CEP85L: variants seen among roughly 807,000 people sequenced by gnomAD.
The protein encoded by CEP85L is centrosomal protein 85L, also known as centrosomal protein of 85 kDa-like.
CEP85L carries 60 observed loss-of-function variants against 100.3 expected under a neutral mutation model. That is an observed-to-expected ratio of 0.60 (90% CI 0.49 to 0.74). The LOEUF is 0.74. Ranked by LOEUF, CEP85L falls within the 30% of genes least tolerant of loss-of-function variation. The pLI is 0.00. For missense variants in CEP85L, 973 were observed against 936.2 expected (o/e 1.04, Z -0.51); for synonymous variants, 319 against 322.7 (o/e 0.99, Z 0.12).
chr6:118,539,415 G>A (rs1562242370), intron 3 of CEP85L, among the ~76,000 whole-genome samples: 2 of 152,058 alleles, frequency 1.3e-5, no homozygotes, highest in African/African-American at 4.8e-5. Flanking sequence ...TACCATCTAG[G>A]TTTGTGTAAG....
intron 3 of CEP85L, among the ~76,000 whole-genome samples, chr6:118,556,223 A>G (rs1218869256): frequency 6.6e-6 from 1 of 152,208 alleles, no homozygotes; most frequent in Non-Finnish European, 1.5e-5. Flanking sequence ...CTATTTTCTA[A>G]GTAGAAGTGT....
chr6:118,514,036 T>A (rs943141564), intron 4 of CEP85L, among the ~76,000 whole-genome samples: 8 of 152,150 alleles, frequency 5.3e-5, no homozygotes, highest in African/African-American at 1.7e-4. Context: ...ATTCTTACAT[T>A]ATACATAAAA....
chr6:118,512,132 G>T (rs2114721180), intron 4 of CEP85L, among the ~76,000 whole-genome samples: 1 of 152,238 alleles, frequency 6.6e-6, no homozygotes, highest in South Asian at 2.1e-4. Context: ...CTTAGAGATA[G>T]GTAACTAATG....
intron 3 of CEP85L, among the ~76,000 whole-genome samples, chr6:118,535,207 GCA>G (rs931106629): frequency 1.3e-5 from 2 of 151,940 alleles, no homozygotes; most frequent in African/African-American, 4.8e-5. Context: ...GCACACACAG[GCA>G]CACACACAAA....
chr6:118,657,997 C>T (rs544365634), intron 1 of CEP85L, among the ~76,000 whole-genome samples: 2 of 152,170 alleles, frequency 1.3e-5, no homozygotes, highest in East Asian at 3.9e-4. Context: ...GAATTTTCAG[C>T]GTATTGCTTA....
At chr6:118,493,852 G>C (rs1246240151) in intron 5 of CEP85L, among the ~76,000 whole-genome samples, 1 of 151,984 alleles carries the variant, frequency 6.6e-6, no homozygotes, top group African/African-American at 2.4e-5. Flanking sequence ...ATGGACACCA[G>C]GCAGAAAGAT....
chr6:118,475,004 T>G (rs1225948154), intron 10 of CEP85L, among the ~76,000 whole-genome samples: 1 of 152,214 alleles, frequency 6.6e-6, no homozygotes, highest in Admixed American at 6.5e-5. Flanking sequence ...TGGATCAGTT[T>G]GTGAAGCAAT....
At chr6:118,502,494 A>T in intron 5 of CEP85L, 1 of 518,800 alleles carries the variant, frequency 1.9e-6, no homozygotes, top group Admixed American at 2.4e-5. Flanking sequence ...ACAAATGGAG[A>T]TTACACAAGT....
chr6:118,688,688 A>G (rs1776926052), intron 1 of CEP85L, among the ~76,000 whole-genome samples: 1 of 152,210 alleles, frequency 6.6e-6, no homozygotes, highest in African/African-American at 2.4e-5. Context: ...TGGTCCTCAC[A>G]TCTATCTGTT....
chr6:118,474,899 G>C (rs1184324474), intron 10 of CEP85L, among the ~76,000 whole-genome samples: 2 of 152,176 alleles, frequency 1.3e-5, no homozygotes, highest in Non-Finnish European at 2.9e-5. Flanking sequence ...TACTTTCCCA[G>C]GGAAAAACAG....
intron 3 of CEP85L, among the ~76,000 whole-genome samples, chr6:118,540,167 A>G (rs1007613921): frequency 6.6e-6 from 1 of 152,120 alleles, no homozygotes; most frequent in Non-Finnish European, 1.5e-5. Flanking sequence ...AGCCTTGAAA[A>G]AAATCCAAAA....
chr6:118,559,427 T>G, intron 3 of CEP85L: 2 of 316,008 alleles, frequency 6.3e-6, no homozygotes, highest in Non-Finnish European at 1.3e-5. Flanking sequence ...ACTTCATATA[T>G]AAAGCATTAT....
At chr6:118,567,233 GTGTGTGTGTGTGTGTGTA>G (rs1264577547) in intron 2 of CEP85L, among the ~76,000 whole-genome samples, 226 of 85,858 alleles carry the variant, frequency 2.6e-3, no homozygotes, top group Middle Eastern at 6.5e-3. Context: ...GTGTGTGTGT[GTGTGTGTGTGTGTGTGTA>G]TATATATATA....
chr6:118,538,510 T>C (rs2114864449), intron 3 of CEP85L, among the ~76,000 whole-genome samples: 1 of 152,198 alleles, frequency 6.6e-6, no homozygotes, highest in South Asian at 2.1e-4. Flanking sequence ...ATTATCTCTT[T>C]TCTTTTGGAG....
chr6:118,651,324 C>A lies in CEP85L; in HGVS notation c.-55G>T, dbSNP rs2115386877. The A allele has an allele frequency of 1.4e-6, 2 of 1,396,908 alleles. No individual in the cohort carries two copies. Among genetic ancestry groups the A allele is most frequent in the South Asian group, 1.5e-5 (1 of 66,622 alleles). The allele number at this position is 1,396,908 out of a possible 1,614,324, so 86.5% of individuals were successfully genotyped here. On this transcript the variant is annotated 5_prime_UTR_variant, in exon 1 of 13. Coordinates refer to ENST00000368491, the MANE Select transcript of CEP85L (RefSeq NM_001042475.3). The stretch of plus-strand genomic sequence containing the variant: ...ACGCCCGACTCCTCACGTCCGTCCT[C>A]CTGCTTCTTCGGCGGCGGAAACTTG...
chr6:118,574,911 C>A (rs748145858), intron 2 of CEP85L, among the ~76,000 whole-genome samples: 3 of 151,640 alleles, frequency 2.0e-5, no homozygotes, highest in Non-Finnish European at 4.4e-5. Context: ...TAAATTCCTG[C>A]GAGGGAAGTG....
intron 10 of CEP85L, among the ~76,000 whole-genome samples, chr6:118,476,976 T>C (rs1351561818): frequency 1.3e-5 from 2 of 152,040 alleles, no homozygotes; most frequent in African/African-American, 4.8e-5. Context: ...AATGCACTTT[T>C]GAGAAATAAG....
At chr6:118,618,880 C>T (rs1208896665) in intron 2 of CEP85L, among the ~76,000 whole-genome samples, 2 of 152,174 alleles carry the variant, frequency 1.3e-5, no homozygotes, top group Admixed American at 6.5e-5. Context: ...GTGCCCCCGA[C>T]CCAGGCCTTG....
chr6:118,540,380 T>C (rs1247808165), intron 3 of CEP85L, among the ~76,000 whole-genome samples: 1 of 152,150 alleles, frequency 6.6e-6, no homozygotes, highest in African/African-American at 2.4e-5. Context: ...TTGTTAGCAA[T>C]GATATGTGTT....
Sources: gnomAD v4.1 joint callset for allele counts (sites outside exome capture counted in the v4.1 genomes callset) on GRCh38, gnomAD v4.1.1 for gene constraint, MANE v1.5 for transcripts, NCBI Gene and HGNC (gene_info 2026-07-23, HGNC 2026-07-21) for gene names.